Variants in GRM7 observed in about 807,000 individuals in gnomAD.
The protein encoded by GRM7 is metabotropic glutamate receptor 7.
In GRM7, 35 loss-of-function variants were observed where a neutral mutation model predicts 84.5. The observed-to-expected ratio is 0.41, with a 90% CI of 0.32 to 0.55. The LOEUF (loss-of-function observed/expected upper bound fraction) is 0.55. Ranked by LOEUF, GRM7 falls within the 20% of genes least tolerant of loss-of-function variation. The probability of loss-of-function intolerance (pLI) is 0.19; values close to 1 mark genes in which losing one functional copy is unlikely to be tolerated. For synonymous variants in GRM7, 487 were observed against 455.1 expected, an observed-to-expected ratio of 1.07 and a Z score of -0.89; for missense variants, 1,003 against 1,194.6, an observed-to-expected ratio of 0.84 and a Z score of 2.36.
chr3:7,331,477 C>T (rs915283794), intron 4 of GRM7, among the ~76,000 whole-genome samples: 7 of 152,296 alleles, frequency 4.6e-5, no homozygotes, highest in South Asian at 2.1e-4. Flanking sequence ...GGACATACCA[C>T]GGCTCAAATT....
chr3:7,046,770 C>A (rs758359757), intron 1 of GRM7, among the ~76,000 whole-genome samples: 2 of 152,124 alleles, frequency 1.3e-5, no homozygotes, highest in South Asian at 4.1e-4. Context: ...TGATGGATAG[C>A]GCTTCAGTTT....
At chr3:7,324,032 A>AG (rs1700887356) in intron 4 of GRM7, among the ~76,000 whole-genome samples, 1 of 152,128 alleles carries the variant, frequency 6.6e-6, no homozygotes, top group African/African-American at 2.4e-5. Flanking sequence ...CTTCCCTCAA[A>AG]GGTGTAATAT....
intron 4 of GRM7, among the ~76,000 whole-genome samples, chr3:7,406,389 A>T (rs986982867): frequency 1.9e-4 from 29 of 151,502 alleles, no homozygotes; most frequent in Non-Finnish European, 2.5e-4. Flanking sequence ...AATCCCAGCT[A>T]CTCCAGAGGC....
rs913275315 is a variant in GRM7 at position 7,690,611 on chromosome 3, T to C, written c.2698+10316T>C. Among the ~76,000 whole-genome samples the C allele has an allele frequency of 2.0e-5, 3 of 152,340 alleles. No individual in the cohort carries two copies. The South Asian group carries it at 6.2e-4, about 32-fold the overall frequency. On this transcript the variant is annotated intron_variant, in intron 9 of 9. Coordinates refer to ENST00000357716, the MANE Select transcript of GRM7 (RefSeq NM_000844.4). Reference sequence around the variant, plus strand: ...CTCAGCTTGTGTAATTAATTTCTTTTCTTGTGCTAAACCCATTTATAAACC... The same window carrying C: ...CTCAGCTTGTGTAATTAATTTCTTTCCTTGTGCTAAACCCATTTATAAACC...
At chr3:7,325,039 A>G (rs149217068) in intron 4 of GRM7, among the ~76,000 whole-genome samples, 2 of 152,292 alleles carry the variant, frequency 1.3e-5, no homozygotes, top group East Asian at 3.9e-4. Flanking sequence ...GGATTTTTTC[A>G]GTCGCCAGGA....
intron 2 of GRM7, among the ~76,000 whole-genome samples, chr3:7,287,720 G>A (rs1031851306): frequency 2.0e-5 from 3 of 151,988 alleles, no homozygotes; most frequent in Admixed American, 6.6e-5. Context: ...TAAATAGCAA[G>A]GTTTCCTTAA....
intron 5 of GRM7, among the ~76,000 whole-genome samples, chr3:7,416,468 A>G (rs889795732): frequency 3.3e-5 from 5 of 152,116 alleles, no homozygotes; most frequent in Non-Finnish European, 7.4e-5. Context: ...AATACCGGTC[A>G]CCCACATGTT....
At chr3:7,023,053 G>A (rs894551446) in intron 1 of GRM7, among the ~76,000 whole-genome samples, 48 of 151,962 alleles carry the variant, frequency 3.2e-4, no homozygotes, top group Non-Finnish European at 5.9e-5. Flanking sequence ...TGGGAGGTGG[G>A]AGGCAGATAT....
chr3:7,543,487 C>T (rs563495455), intron 7 of GRM7, among the ~76,000 whole-genome samples: 1 of 152,328 alleles, frequency 6.6e-6, no homozygotes, highest in South Asian at 2.1e-4. Flanking sequence ...CAGCATCATC[C>T]TGAGGCCACG....
rs577568921 is a variant in GRM7, at chr3:7,703,769, C to A, written c.2698+23474C>A. On this transcript the variant is annotated intron_variant, in intron 9 of 9. Transcript: ENST00000357716. ...TGTTATAATATACATTTGATACCTGCAGAAATGGAGGCTTAGAGAGACTGT... is the reference window on the plus strand; with the variant it reads ...TGTTATAATATACATTTGATACCTGAAGAAATGGAGGCTTAGAGAGACTGT... 3.9e-5 allele frequency among the ~76,000 whole-genome samples: 6 copies of A among 152,264 alleles called. No homozygotes were observed. In the South Asian group the frequency reaches 1.2e-3, roughly 32 times the overall value.
At chr3:7,343,112 A>T (rs1692719300) in intron 4 of GRM7, among the ~76,000 whole-genome samples, 1 of 152,192 alleles carries the variant, frequency 6.6e-6, no homozygotes, top group Non-Finnish European at 1.5e-5. Flanking sequence ...TGCTCAGTGT[A>T]TTGGGATTCA....
intron 4 of GRM7, among the ~76,000 whole-genome samples, chr3:7,410,596 T>TACACACACAC (rs767671354): frequency 2.9e-5 from 2 of 68,736 alleles, no homozygotes; most frequent in East Asian, 3.4e-4. Flanking sequence ...TATATATATA[T>TACACACACAC]ATACACACAC....
chr3:6,942,093 C>G (rs1358506252), intron 1 of GRM7, among the ~76,000 whole-genome samples: 2 of 151,946 alleles, frequency 1.3e-5, no homozygotes, highest in Non-Finnish European at 2.9e-5. Flanking sequence ...GTTGTATTAT[C>G]AAATGCTTTG....
chr3:7,165,476 G>T (rs960294236), intron 2 of GRM7, among the ~76,000 whole-genome samples: 1 of 152,178 alleles, frequency 6.6e-6, no homozygotes, highest in Non-Finnish European at 1.5e-5. Context: ...GTTGGGTCAG[G>T]TTTGGTTTAA....
chr3:7,007,392 C>G (rs1464601236), intron 1 of GRM7, among the ~76,000 whole-genome samples: 4 of 152,142 alleles, frequency 2.6e-5, no homozygotes, highest in Admixed American at 6.5e-5. Flanking sequence ...TTCCCTATAA[C>G]TCTCCTGTAG....
intron 1 of GRM7, among the ~76,000 whole-genome samples, chr3:7,110,555 A>G (rs1357610754): frequency 1.3e-5 from 2 of 151,558 alleles, no homozygotes; most frequent in Admixed American, 1.3e-4. Flanking sequence ...AGATTGTGCC[A>G]CTATACTCCA....
intron 4 of GRM7, among the ~76,000 whole-genome samples, chr3:7,389,103 T>C (rs1694893017): frequency 1.3e-5 from 2 of 152,134 alleles, no homozygotes; most frequent in South Asian, 4.1e-4. Flanking sequence ...TCTTAAACAA[T>C]TTTTATCTCT....
chr3:7,219,375 C>A (rs1696723230), intron 2 of GRM7, among the ~76,000 whole-genome samples: 1 of 152,156 alleles, frequency 6.6e-6, no homozygotes, highest in African/African-American at 2.4e-5. Flanking sequence ...AGTTAGTCAC[C>A]TATTAATGGT....
At chr3:7,464,619 A>G (rs892805653) in intron 7 of GRM7, among the ~76,000 whole-genome samples, 2 of 151,930 alleles carry the variant, frequency 1.3e-5, no homozygotes, top group African/African-American at 4.8e-5. Flanking sequence ...TCACGAGGTC[A>G]GGAGATCAAG....
Sources: gnomAD v4.1 joint callset for allele counts (sites outside exome capture counted in the v4.1 genomes callset) on GRCh38, gnomAD v4.1.1 for gene constraint, MANE v1.5 for transcripts, NCBI Gene and HGNC (gene_info 2026-07-23, HGNC 2026-07-21) for gene names.